Variants in DRC9 observed in about 807,000 individuals in gnomAD.
The protein encoded by DRC9 is dynein regulatory complex protein 9.
At chr3:197,941,374 CCT>C in the DRC9 span, among the ~76,000 whole-genome samples, 6 of 70,690 alleles carry the variant, frequency 8.5e-5, no homozygotes, top group Admixed American at 7.1e-4. Context: ...TTCCTTCCTC[CCT>C]CTCTCCCCTC....
At chr3:197,952,961 C>T in the DRC9 span, among the ~76,000 whole-genome samples, 3 of 151,456 alleles carry the variant, frequency 2.0e-5, no homozygotes, top group Non-Finnish European at 2.9e-5. Context: ...CCACCACACC[C>T]GGCTAACTTT....
the DRC9 span, among the ~76,000 whole-genome samples, chr3:197,947,952 T>TA: frequency 2.1e-5 from 3 of 144,716 alleles, no homozygotes; most frequent in African/African-American, 2.6e-5. Context: ...TTTTTTTTTT[T>TA]GAGACGGTCT....
At chr3:197,906,902 T>A in the DRC9 span, among the ~76,000 whole-genome samples, 1 of 152,200 alleles carries the variant, frequency 6.6e-6, no homozygotes, top group Non-Finnish European at 1.5e-5. Flanking sequence ...AATTTTTTTC[T>A]GTTATACTTG....
At chr3:197,890,877 C>T in the DRC9 span, among the ~76,000 whole-genome samples, 3 of 152,194 alleles carry the variant, frequency 2.0e-5, no homozygotes, top group African/African-American at 7.2e-5. Context: ...ACTAGGGCCT[C>T]GACCTTCAGA....
the DRC9 span, chr3:197,913,316 C>A: frequency 5.7e-6 from 1 of 176,264 alleles, no homozygotes; most frequent in Non-Finnish European, 1.1e-5. Context: ...TAGTGCCTGG[C>A]TTTGCGTGTG....
the DRC9 span, chr3:197,926,045 C>T: frequency 6.3e-7 from 1 of 1,587,226 alleles, no homozygotes; most frequent in Non-Finnish European, 8.7e-7. Context: ...ATTGCCATTC[C>T]TTTTTGACAT....
At chr3:197,901,363 C>A in the DRC9 span, among the ~76,000 whole-genome samples, 1 of 152,210 alleles carries the variant, frequency 6.6e-6, no homozygotes, top group East Asian at 1.9e-4. The surrounding 1 kb of genome is among the most constrained non-coding windows in gnomAD (Gnocchi z 4.4). Flanking sequence ...GTCTCAAACT[C>A]ACGACCCCAG....
the DRC9 span, chr3:197,932,114 G>A: frequency 1.9e-6 from 3 of 1,544,186 alleles, no homozygotes; most frequent in Non-Finnish European, 2.6e-6. Flanking sequence ...AGGATTTCCA[G>A]TAAGAGTGTT....
At chr3:197,914,571 T>C in the DRC9 span, among the ~76,000 whole-genome samples, 4 of 152,272 alleles carry the variant, frequency 2.6e-5, no homozygotes, top group African/African-American at 9.6e-5. Context: ...TCAATAGTCA[T>C]TAAGAAAAAT....
the DRC9 span, among the ~76,000 whole-genome samples, chr3:197,910,297 C>G: frequency 1.3e-5 from 2 of 151,952 alleles, no homozygotes; most frequent in Non-Finnish European, 2.9e-5. Flanking sequence ...GAGACCCTGT[C>G]CCTAAAAAAT....
the DRC9 span, among the ~76,000 whole-genome samples, chr3:197,891,243 G>A: frequency 6.6e-6 from 1 of 152,194 alleles, no homozygotes; most frequent in Admixed American, 6.5e-5. Context: ...CAGATGAAGA[G>A]CTGGGGGCAC....
the DRC9 span, among the ~76,000 whole-genome samples, chr3:197,921,566 C>T: frequency 2.0e-4 from 30 of 148,964 alleles, no homozygotes; most frequent in Non-Finnish European, 4.4e-4. Flanking sequence ...TCGTCTTGGT[C>T]GACCCGACTA....
chr3:197,950,180 G>A, the DRC9 span: 3 of 1,231,720 alleles, frequency 2.4e-6, no homozygotes, highest in Non-Finnish European at 3.0e-6. Context: ...CCACGCGGCG[G>A]GGCCTCGTCC....
the DRC9 span, chr3:197,951,605 G>A: frequency 6.6e-5 from 26 of 393,312 alleles, no homozygotes; most frequent in African/African-American, 4.7e-4. Context: ...CGCCCACCTC[G>A]GCCTCCCAAA....
chr3:197,930,183 C>T, the DRC9 span, among the ~76,000 whole-genome samples: 1 of 150,102 alleles, frequency 6.7e-6, no homozygotes, highest in Non-Finnish European at 1.5e-5. Context: ...GGCAAAACCC[C>T]ATCTCTACAA....
chr3:197,904,041 TATATATACATAC>T, the DRC9 span, among the ~76,000 whole-genome samples: 507 of 98,488 alleles, frequency 5.1e-3, 9 homozygotes, highest in African/African-American at 0.025. Flanking sequence ...TATACATACA[TATATATACATAC>T]ATATATATAT....
the DRC9 span, among the ~76,000 whole-genome samples, chr3:197,894,113 G>C: frequency 0.023 from 3,492 of 152,274 alleles, 155 homozygotes; most frequent in African/African-American, 0.08. Context: ...AGGCAGGATA[G>C]TCTAGTTGAA....
chr3:197,950,764 G>A, the DRC9 span: 1 of 629,262 alleles, frequency 1.6e-6, no homozygotes, highest in Non-Finnish European at 2.8e-6. Flanking sequence ...TCTGAGGTTT[G>A]AATGTCTTGC....
the DRC9 span, chr3:197,953,806 C>T: frequency 9.5e-6 from 6 of 632,338 alleles, no homozygotes; most frequent in Non-Finnish European, 1.7e-5. Context: ...TTTATAGCTG[C>T]TGTATTTTAC....
Sources: allele counts gnomAD v4.1 joint callset (sites outside exome capture counted in the v4.1 genomes callset), GRCh38; gene constraint gnomAD v4.1.1; non-coding constraint Gnocchi (gnomAD v3.1); transcripts MANE v1.5; gene names NCBI Gene and HGNC (gene_info 2026-07-23, HGNC 2026-07-21).